The following FUBP1 variants were observed in gnomAD, a reference collection of about 807,000 sequenced individuals.
FUBP1 encodes far upstream element binding protein 1, also known as far upstream element-binding protein 1.
FUBP1 carries 16 observed loss-of-function variants against 94.9 expected under a neutral mutation model. That is an observed-to-expected ratio of 0.17 (90% CI 0.11 to 0.26). The LOEUF is 0.26. FUBP1 is among the 10% of genes least tolerant of loss of function. The pLI is 1.00. For synonymous variants in FUBP1, 279 were observed against 254.9 expected (o/e 1.09, Z -0.90); for missense variants, 583 against 808.6 (o/e 0.72, Z 3.38).
intron 2 of FUBP1, 109 bp downstream of exon 2, chr1:77,969,813 TAAC>T: frequency 2.0e-6 from 1 of 488,328 alleles, no homozygotes; most frequent in Non-Finnish European, 3.6e-6. Flanking sequence ...CTTACAATTT[TAAC>T]AACCTTATAA....
At chr1:77,976,589 G>A (rs906632362) in intron 1 of FUBP1, among the ~76,000 whole-genome samples, 3 of 152,058 alleles carry the variant, frequency 2.0e-5, no homozygotes, top group African/African-American at 7.2e-5. Flanking sequence ...CACTTCCCAG[G>A]TTGAAGCGGT....
chr1:77,954,601 C>G (rs939500522), intron 18 of FUBP1, among the ~76,000 whole-genome samples: 1 of 152,166 alleles, frequency 6.6e-6, no homozygotes, highest in South Asian at 2.1e-4. Context: ...CCAAGTAGAC[C>G]GTTCTCTTAT....
intron 14 of FUBP1, among the ~76,000 whole-genome samples, chr1:77,961,978 A>G (rs992400209): frequency 6.6e-6 from 1 of 152,128 alleles, no homozygotes; most frequent in African/African-American, 2.4e-5. Flanking sequence ...AACAGTGTCA[A>G]CCTTGTTTTG....
chr1:77,964,016 C>T (rs1490588031), intron 12 of FUBP1, 46 bp downstream of exon 12: 1 of 1,146,548 alleles, frequency 8.7e-7, no homozygotes, highest in Admixed American at 1.7e-5. Flanking sequence ...AAGGAAAATA[C>T]TTTTCCATAA....
At chr1:77,964,810 A>G in intron 9 of FUBP1, 60 bp downstream of exon 9, 3 of 1,487,284 alleles carry the variant, frequency 2.0e-6, no homozygotes, top group East Asian at 2.3e-5. Flanking sequence ...TTATTCATGC[A>G]TATTTTGCCC....
Position 77,945,828 on chromosome 1 carries a change from T to G in FUBP1, c.*2938A>C, listed in dbSNP as rs760082053. 4 of 212,062 alleles carry G rather than the reference T, an allele frequency of 1.9e-5. No individual in the cohort carries two copies. The highest frequency in any genetic ancestry group is 3.8e-5 in the Non-Finnish European group (4 of 104,684). 13.1% of individuals were successfully genotyped at this position (212,062 alleles called of 1,614,324 possible). ...AATCATCTATAAAAACACACAAACA[T>G]TTTAAACTGGCAAAAAAATTAAATG... On this transcript the variant is annotated 3_prime_UTR_variant, in exon 20 of 20. Coordinates refer to ENST00000370768, the MANE Select transcript of FUBP1 (RefSeq NM_003902.5).
intron 4 of FUBP1, 38 bp from the exon 5 acceptor site, chr1:77,967,139 A>C: frequency 7.8e-7 from 1 of 1,275,374 alleles, no homozygotes; most frequent in Non-Finnish European, 1.1e-6. Context: ...CCTTCAATGA[A>C]AGATACTTTG....
intron 16 of FUBP1, among the ~76,000 whole-genome samples, chr1:77,957,777 T>G (rs955473863): frequency 1.3e-5 from 2 of 152,126 alleles, no homozygotes; most frequent in Non-Finnish European, 2.9e-5. Context: ...GTACTGCTTT[T>G]TTATGTTGGA....
At chr1:77,970,960 T>C (rs554652717) in intron 1 of FUBP1, among the ~76,000 whole-genome samples, 1 of 152,128 alleles carries the variant, frequency 6.6e-6, no homozygotes, top group East Asian at 1.9e-4. Context: ...CGAGAATCAC[T>C]TGAACCCAGG....
At chr1:77,954,232 C>T (rs1325852530) in intron 18 of FUBP1, among the ~76,000 whole-genome samples, 1 of 152,214 alleles carries the variant, frequency 6.6e-6, no homozygotes, top group Non-Finnish European at 1.5e-5. Flanking sequence ...CATCCCTATT[C>T]ATTCTAAAAA....
intron 10 of FUBP1, 133 bp from the exon 11 acceptor site, chr1:77,964,489 A>G (rs1656105712): frequency 1.5e-6 from 1 of 666,118 alleles, no homozygotes; most frequent in African/African-American, 1.8e-5. Flanking sequence ...CTATATTTAT[A>G]GTAAATAGGG....
In FUBP1 at chr1:77,944,107, C is replaced by T. The variant is rs939965589; in HGVS notation, c.*4659G>A. 2 of 186,732 alleles carry T rather than the reference C, an allele frequency of 1.1e-5. No homozygotes were observed. Among genetic ancestry groups the T allele is most frequent in the Non-Finnish European group, 2.3e-5 (2 of 88,414 alleles). 11.6% of individuals were successfully genotyped at this position (186,732 alleles called of 1,614,324 possible). A position where few individuals can be genotyped will look rare whatever the true frequency, so the allele number is the denominator to read the frequency against. On this transcript the variant is annotated 3_prime_UTR_variant, in exon 20 of 20. Coordinates refer to ENST00000370768, the MANE Select transcript of FUBP1 (RefSeq NM_003902.5). ...GGAAACCATAATGAATACAAAATTA[C>T]AGCAATCATGTGACCTTTTACATAC...
At chr1:77,971,642 C>T (rs1283674554) in intron 1 of FUBP1, among the ~76,000 whole-genome samples, 1 of 151,690 alleles carries the variant, frequency 6.6e-6, no homozygotes, top group Non-Finnish European at 1.5e-5. Context: ...CCCTTTTCCT[C>T]ATCTAAAAAT....
At position 77,962,748 on chromosome 1, in the gene FUBP1, TA is replaced by T. The variant is rs763181465; in HGVS notation, c.1344+21del. 21 of 1,569,178 alleles carry T rather than the reference TA, an allele frequency of 1.3e-5. No individual in the cohort carries two copies. The African/African-American group carries it at 2.7e-4, about 20-fold the overall frequency. On this transcript the variant is annotated intron_variant, in intron 14 of 19. Transcript: ENST00000370768. ...CAGTCTAAGGGTCTACACTAAAAAT[TA>T]AAAGTTTAAAGTATACTCACACCAA...
In FUBP1 at chr1:77,956,564, G is replaced by A. The variant is rs111522723; in HGVS notation, c.1705+8C>T. 17 of 1,609,776 alleles carry A rather than the reference G, an allele frequency of 1.1e-5. No homozygotes were observed. In the African/African-American group the frequency reaches 1.2e-4, roughly 11 times the overall value. ...TTGGCTTTCACATACAATAAGTTCT[G>A]TAGTTACCTTGTCCATTAGTTTGAG... On this transcript the variant is annotated splice_region_variant and intron_variant, in intron 17 of 19. Transcript: ENST00000370768.
chr1:77,978,942 GCCGCCACCA>G lies in FUBP1; in HGVS notation c.54_62del (p.Gly24_Gly26del), dbSNP rs747496877. 11 of 1,598,794 alleles carry G rather than the reference GCCGCCACCA, an allele frequency of 6.9e-6. No homozygotes were observed. Among genetic ancestry groups the G allele is most frequent in the Admixed American group, 1.7e-5 (1 of 59,896 alleles). Reference sequence around the variant, plus strand: ...CGTCGTTAACTCCTCCACCACCACCGCCGCCACCACCGCCACCAGCTGAGCCAGAAGAGG... The same window carrying G: ...CGTCGTTAACTCCTCCACCACCACCGCCGCCACCAGCTGAGCCAGAAGAGG... On this transcript the variant is annotated inframe_deletion, in exon 1 of 20. Coordinates refer to ENST00000370768, the MANE Select transcript of FUBP1 (RefSeq NM_003902.5).
In FUBP1 at chr1:77,945,626, T is replaced by C. The variant is rs1339953833; in HGVS notation, c.*3140A>G. 1 of 212,880 alleles carries C rather than the reference T, an allele frequency of 4.7e-6. No homozygotes were observed. The highest frequency in any genetic ancestry group is 2.3e-5 in the African/African-American group (1 of 44,218). The allele number at this position is 212,880 out of a possible 1,614,324, so 13.2% of individuals were successfully genotyped here. A position where few individuals can be genotyped will look rare whatever the true frequency, so the allele number is the denominator to read the frequency against. ...GATTTTATGAGCTATGATTTGGTGCTTGCAGCATCTTCAGCACTGTGTGTG... is the reference window on the plus strand; with the variant it reads ...GATTTTATGAGCTATGATTTGGTGCCTGCAGCATCTTCAGCACTGTGTGTG... On this transcript the variant is annotated 3_prime_UTR_variant, in exon 20 of 20. Coordinates refer to ENST00000370768, the MANE Select transcript of FUBP1 (RefSeq NM_003902.5).
intron 16 of FUBP1, among the ~76,000 whole-genome samples, chr1:77,958,530 C>G (rs1177671415): frequency 6.6e-6 from 1 of 152,164 alleles, no homozygotes; most frequent in Non-Finnish European, 1.5e-5. Context: ...ATATCCACCC[C>G]CAGGGACCCA....
At chr1:77,971,432 A>G (rs551312120) in intron 1 of FUBP1, among the ~76,000 whole-genome samples, 2 of 152,228 alleles carry the variant, frequency 1.3e-5, no homozygotes, top group Admixed American at 1.3e-4. Context: ...GGGTAAAATT[A>G]TAGTTAAGTG....
Sources: allele counts gnomAD v4.1 joint callset (sites outside exome capture counted in the v4.1 genomes callset), GRCh38; gene constraint gnomAD v4.1.1; transcripts MANE v1.5; gene names NCBI Gene and HGNC (gene_info 2026-07-23, HGNC 2026-07-21).